The following DNM3 variants were observed in gnomAD, a reference collection of about 807,000 sequenced individuals.
The protein encoded by DNM3 is dynamin 3, also known as dynamin-3.
A neutral mutation model predicts 101.6 loss-of-function variants in DNM3; 47 were observed. The observed-to-expected ratio is 0.46, with a 90% CI of 0.37 to 0.59. The LOEUF (loss-of-function observed/expected upper bound fraction) is 0.59, where lower values mean the gene tolerates loss of function less well. DNM3 is among the 20% of genes least tolerant of loss of function. The pLI is 0.00. For synonymous variants in DNM3, 385 were observed against 387.9 expected (o/e 0.99, Z 0.09); for missense variants, 849 against 1,085.7 (o/e 0.78, Z 3.06).
chr1:172,097,544 C>T (rs1348923143), intron 13 of DNM3, among the ~76,000 whole-genome samples: 3 of 151,930 alleles, frequency 2.0e-5, no homozygotes, highest in Non-Finnish European at 2.9e-5. Flanking sequence ...ACATGGTATC[C>T]GAAGCCGTGG....
intron 1 of DNM3, among the ~76,000 whole-genome samples, chr1:171,857,946 A>G (rs2033786672): frequency 6.6e-6 from 1 of 152,144 alleles, no homozygotes; most frequent in South Asian, 2.1e-4. Context: ...CAAAAAGAAG[A>G]GGCCATGTGG....
intron 14 of DNM3, among the ~76,000 whole-genome samples, chr1:172,242,111 A>G (rs1261176303): frequency 2.0e-5 from 3 of 151,942 alleles, no homozygotes; most frequent in Admixed American, 2.0e-4. Flanking sequence ...TTTTCATTGA[A>G]CTCATGGTGT....
intron 2 of DNM3, among the ~76,000 whole-genome samples, chr1:171,950,909 A>T (rs181467861): frequency 1.1e-4 from 17 of 152,208 alleles, no homozygotes; most frequent in Middle Eastern, 3.4e-3. Context: ...TGGCTTAATC[A>T]TATGCAAAAA....
chr1:172,179,639 C>T (rs980148331), intron 14 of DNM3, among the ~76,000 whole-genome samples: 9 of 151,442 alleles, frequency 5.9e-5, no homozygotes, highest in Admixed American at 3.3e-4. Flanking sequence ...GATGCTATGC[C>T]GGATCATTTC....
At chr1:172,280,192 T>C (rs1359264495) in intron 15 of DNM3, among the ~76,000 whole-genome samples, 1 of 152,128 alleles carries the variant, frequency 6.6e-6, no homozygotes, top group Non-Finnish European at 1.5e-5. Flanking sequence ...CCTCAGTTCA[T>C]GTCTGTTTTC....
chr1:172,306,887 T>G (rs1408971467), intron 15 of DNM3, among the ~76,000 whole-genome samples: 1 of 152,162 alleles, frequency 6.6e-6, no homozygotes, highest in East Asian at 1.9e-4. Flanking sequence ...CAAAATGGAT[T>G]AAATACTTAA....
intron 4 of DNM3, among the ~76,000 whole-genome samples, chr1:172,028,783 C>A (rs1323371920): frequency 6.6e-6 from 1 of 152,168 alleles, no homozygotes; most frequent in Non-Finnish European, 1.5e-5. Flanking sequence ...ATAAACACCT[C>A]TATGCAAATA....
chr1:172,252,485 G>A (rs950346443), intron 14 of DNM3, among the ~76,000 whole-genome samples: 8 of 152,242 alleles, frequency 5.3e-5, no homozygotes, highest in Non-Finnish European at 8.8e-5. Context: ...TATGATGCAC[G>A]TATTTCCCAT....
chr1:172,152,264 CT>C (rs746363618), intron 14 of DNM3, among the ~76,000 whole-genome samples: 277 of 136,354 alleles, frequency 2.0e-3, no homozygotes, highest in Middle Eastern at 0.011. Flanking sequence ...ACTTCCCTTC[CT>C]TTTTTTTTTT....
intron 14 of DNM3, among the ~76,000 whole-genome samples, chr1:172,223,582 C>G (rs944181520): frequency 7.1e-4 from 108 of 152,150 alleles, no homozygotes; most frequent in African/African-American, 2.5e-3. Context: ...AACATCTAAA[C>G]TGAATCTCAT....
chr1:172,285,685 C>T (rs1192267672), intron 15 of DNM3, among the ~76,000 whole-genome samples: 1 of 152,106 alleles, frequency 6.6e-6, no homozygotes, highest in African/African-American at 2.4e-5. Context: ...TAAATAACAA[C>T]AATAATAATA....
chr1:171,883,153 A>T (rs968708029), intron 1 of DNM3, among the ~76,000 whole-genome samples: 1 of 151,702 alleles, frequency 6.6e-6, no homozygotes, highest in Non-Finnish European at 1.5e-5. Flanking sequence ...TTACAGTTAC[A>T]CTATCATTTA....
chr1:172,348,772 TA>T (rs1177873725), intron 17 of DNM3, among the ~76,000 whole-genome samples: 3 of 152,088 alleles, frequency 2.0e-5, no homozygotes, highest in Non-Finnish European at 4.4e-5. Flanking sequence ...TCTGGTGCTT[TA>T]AAAAAAATCT....
chr1:172,379,492 C>G (rs1386725972), intron 18 of DNM3, among the ~76,000 whole-genome samples: 1 of 151,930 alleles, frequency 6.6e-6, no homozygotes, highest in Non-Finnish European at 1.5e-5. Context: ...ATTGCAAAAC[C>G]AGCAAAGAAA....
At chr1:172,244,792 T>C (rs960757167) in intron 14 of DNM3, among the ~76,000 whole-genome samples, 27 of 152,294 alleles carry the variant, frequency 1.8e-4, no homozygotes, top group African/African-American at 6.5e-4. Context: ...TGGAAGTCAG[T>C]GTGGCGATTC....
At chr1:172,149,840 G>A (rs1373379140) in intron 14 of DNM3, among the ~76,000 whole-genome samples, 4 of 151,842 alleles carry the variant, frequency 2.6e-5, no homozygotes, top group East Asian at 1.9e-4. Flanking sequence ...TTTTGCAGGG[G>A]TGGAGAAAGT....
intron 1 of DNM3, among the ~76,000 whole-genome samples, chr1:171,845,319 C>T (rs985419975): frequency 2.2e-4 from 34 of 152,244 alleles, no homozygotes; most frequent in African/African-American, 6.3e-4. Context: ...GAGGCCAAGG[C>T]GGGAGGATTG....
chr1:171,922,671 G>A (rs74126539), intron 2 of DNM3, among the ~76,000 whole-genome samples: 12 of 152,098 alleles, frequency 7.9e-5, no homozygotes, highest in Non-Finnish European at 1.5e-4. Context: ...AAGAAAGCCT[G>A]TATGTTTCTG....
intron 17 of DNM3, among the ~76,000 whole-genome samples, chr1:172,327,051 C>T (rs1260698006): frequency 6.6e-6 from 1 of 152,014 alleles, no homozygotes; most frequent in Non-Finnish European, 1.5e-5. Context: ...CATGCTAAAA[C>T]AGAATTTTAA....
Sources: gnomAD v4.1 joint callset for allele counts (sites outside exome capture counted in the v4.1 genomes callset) on GRCh38, gnomAD v4.1.1 for gene constraint, MANE v1.5 for transcripts, NCBI Gene and HGNC (gene_info 2026-07-23, HGNC 2026-07-21) for gene names.